Variants in PDZRN3 observed in about 807,000 individuals in gnomAD.
PDZRN3 encodes PDZ domain containing ring finger 3.
Under a neutral mutation model 85.7 loss-of-function variants are expected in PDZRN3, and 38 were observed. The observed-to-expected ratio is 0.44, with a 90% CI of 0.34 to 0.58. PDZRN3 has a LOEUF of 0.58. PDZRN3 is among the 20% of genes least tolerant of loss of function. PDZRN3 has a pLI of 0.01. For missense variants in PDZRN3, 1,629 were observed against 1,506.4 expected (o/e 1.08, Z -1.35); for synonymous variants, 759 against 638.0 (o/e 1.19, Z -2.86).
At chr3:73,610,386 G>C (rs1380785372) in intron 1 of PDZRN3, among the ~76,000 whole-genome samples, 1 of 152,146 alleles carries the variant, frequency 6.6e-6, no homozygotes, top group Non-Finnish European at 1.5e-5. Flanking sequence ...ACCATCAAAA[G>C]CATCTATCAA....
At chr3:73,554,358 A>G (rs2106813266) in intron 3 of PDZRN3, among the ~76,000 whole-genome samples, 1 of 126,294 alleles carries the variant, frequency 7.9e-6, no homozygotes, top group South Asian at 2.4e-4. Context: ...GAGAAGACAC[A>G]CACACACACA....
At chr3:73,582,785 T>C (rs1003003589) in intron 3 of PDZRN3, among the ~76,000 whole-genome samples, 1 of 152,174 alleles carries the variant, frequency 6.6e-6, no homozygotes, top group South Asian at 2.1e-4. Flanking sequence ...ATGAGAATGA[T>C]ACTATGTATT....
At chr3:73,489,383 A>G (rs1448025376) in intron 3 of PDZRN3, among the ~76,000 whole-genome samples, 1 of 152,074 alleles carries the variant, frequency 6.6e-6, no homozygotes, top group Non-Finnish European at 1.5e-5. Context: ...GATCCTGTTT[A>G]GCACTGTATC....
intron 3 of PDZRN3, among the ~76,000 whole-genome samples, chr3:73,446,921 T>C (rs1702758825): frequency 6.6e-6 from 1 of 151,686 alleles, no homozygotes; most frequent in Admixed American, 6.6e-5. Context: ...GCTCCTGCCT[T>C]CTCCCACTTC....
At chr3:73,574,452 T>TGGGGGGGGGGGGG (rs776864460) in intron 3 of PDZRN3, among the ~76,000 whole-genome samples, 1 of 23,642 alleles carries the variant, frequency 4.2e-5, no homozygotes, top group Non-Finnish European at 7.8e-5. Context: ...TTTTTTTGGC[T>TGGGGGGGGGGGGG]GGGGTGGGGG....
intron 5 of PDZRN3, among the ~76,000 whole-genome samples, chr3:73,397,774 A>C (rs1030723818): frequency 6.6e-6 from 1 of 152,246 alleles, no homozygotes; most frequent in African/African-American, 2.4e-5. Context: ...GAAGGTACTT[A>C]GGTAAGAGAA....
chr3:73,599,372 T>G (rs1702477858), intron 3 of PDZRN3, among the ~76,000 whole-genome samples: 1 of 152,198 alleles, frequency 6.6e-6, no homozygotes, highest in African/African-American at 2.4e-5. Context: ...ATGATTCCGT[T>G]TATAAATCAA....
intron 3 of PDZRN3, among the ~76,000 whole-genome samples, chr3:73,558,216 G>C (rs1450802393): frequency 6.7e-5 from 3 of 44,630 alleles, no homozygotes; most frequent in African/African-American, 2.9e-4. Flanking sequence ...AGCTGCTTGG[G>C]TATGTGAAAA....
At chr3:73,419,321 G>A (rs1177489785) in intron 3 of PDZRN3, among the ~76,000 whole-genome samples, 1 of 152,078 alleles carries the variant, frequency 6.6e-6, no homozygotes, top group Non-Finnish European at 1.5e-5. Context: ...GTTATCAGAG[G>A]GTACAAGGAG....
intron 3 of PDZRN3, among the ~76,000 whole-genome samples, chr3:73,547,306 T>C (rs1186031242): frequency 6.6e-6 from 1 of 152,204 alleles, no homozygotes; most frequent in Non-Finnish European, 1.5e-5. Flanking sequence ...AAGCCTTTCT[T>C]GATGAAGAAA....
intron 3 of PDZRN3, among the ~76,000 whole-genome samples, chr3:73,493,630 T>C (rs1327904751): frequency 6.6e-6 from 1 of 152,182 alleles, no homozygotes; most frequent in African/African-American, 2.4e-5. Context: ...ATAGCTCATT[T>C]CCACTAGGGC....
At chr3:73,617,692 C>CT (rs1051469699) in intron 1 of PDZRN3, among the ~76,000 whole-genome samples, 6 of 152,056 alleles carry the variant, frequency 3.9e-5, no homozygotes, top group African/African-American at 1.5e-4. Flanking sequence ...GACATCATCT[C>CT]TTTTTTGTCT....
chr3:73,508,056 T>C (rs905921039), intron 3 of PDZRN3, among the ~76,000 whole-genome samples: 7 of 152,016 alleles, frequency 4.6e-5, no homozygotes, highest in African/African-American at 9.7e-5. Flanking sequence ...GATTGTGCCA[T>C]TGCACTCCAG....
chr3:73,386,779 A>ATGAT (rs1290264656), intron 8 of PDZRN3, among the ~76,000 whole-genome samples: 1 of 152,208 alleles, frequency 6.6e-6, no homozygotes, highest in African/African-American at 2.4e-5. Context: ...TGTGGGTGAG[A>ATGAT]TGATTGCTGA....
chr3:73,387,065 G>T (rs543760538), intron 8 of PDZRN3, among the ~76,000 whole-genome samples: 3 of 152,174 alleles, frequency 2.0e-5, no homozygotes, highest in African/African-American at 7.2e-5. Context: ...GGGAAACCCC[G>T]TTTGCTTGGT....
Position 73,400,975 on chromosome 3 carries a change from C to T in PDZRN3, c.1201G>A (p.Asp401Asn). The change falls in exon 5 of 10, where the codon GAC becomes AAC. Residue 401 changes from aspartate (D) to asparagine (N), a missense_variant. Coordinates refer to ENST00000263666, the MANE Select transcript of PDZRN3 (RefSeq NM_015009.3). ...PSAHEYYDPNDYIGDIHQEMD... is the reference protein window; with the variant it reads ...PSAHEYYDPNNYIGDIHQEMD... ...TCCTGATGGATGTCTCCAATGTAGT[C>T]ATTTGGATCGTAGTATTCATGGGCT... The T allele has an allele frequency of 1.2e-6, 2 of 1,613,668 alleles. No individual in the cohort carries two copies. The highest frequency in any genetic ancestry group is 1.7e-6 in the Non-Finnish European group (2 of 1,179,554).
chr3:73,534,237 C>G (rs1202317186), intron 3 of PDZRN3, among the ~76,000 whole-genome samples: 1 of 152,144 alleles, frequency 6.6e-6, no homozygotes, highest in African/African-American at 2.4e-5. Context: ...CTCTAACCCC[C>G]GAATACCTGC....
rs549736155 is a variant in PDZRN3 at position 73,406,029 on chromosome 3, T to G, written c.919-1634A>C. ...ATGAAGCCCAAATGAATCATGCCAG[T>G]GGAGGTTATTAATGATTTGGATTCA... On this transcript the variant is annotated intron_variant, in intron 3 of 9. Coordinates refer to ENST00000263666, the MANE Select transcript of PDZRN3 (RefSeq NM_015009.3). Among the ~76,000 whole-genome samples, 6 of 152,304 alleles carry G rather than the reference T, an allele frequency of 3.9e-5. No homozygotes were observed. The East Asian group carries it at 1.2e-3, about 29-fold the overall frequency.
chr3:73,541,474 T>G (rs1250905603), intron 3 of PDZRN3, among the ~76,000 whole-genome samples: 1 of 152,178 alleles, frequency 6.6e-6, no homozygotes, highest in Non-Finnish European at 1.5e-5. Context: ...AGAAAACTGA[T>G]GTAGAGAGAG....
Sources: gnomAD v4.1 joint callset for allele counts (sites outside exome capture counted in the v4.1 genomes callset) on GRCh38, gnomAD v4.1.1 for gene constraint, MANE v1.5 for transcripts, NCBI Gene and HGNC (gene_info 2026-07-23, HGNC 2026-07-21) for gene names.